The following RBPJ variants were observed in gnomAD, a reference collection of about 807,000 sequenced individuals.
RBPJ encodes the protein recombination signal binding protein for immunoglobulin kappa J region.
In RBPJ, 9 loss-of-function variants were observed where a neutral mutation model predicts 67.8. That is an observed-to-expected ratio of 0.13 (90% CI 0.08 to 0.23). The LOEUF (loss-of-function observed/expected upper bound fraction) is 0.23, where lower values mean the gene tolerates loss of function less well. RBPJ is among the 10% of genes least tolerant of loss of function. The probability of loss-of-function intolerance (pLI) is 1.00; values close to 1 mark genes in which losing one functional copy is unlikely to be tolerated. For missense variants in RBPJ, 305 were observed against 595.6 expected (o/e 0.51, Z 5.08); for synonymous variants, 198 against 203.3 (o/e 0.97, Z 0.22).
the RBPJ span, among the ~76,000 whole-genome samples, chr4:26,121,873 C>CTTTTTTTTTTTTT: frequency 2.1e-5 from 2 of 94,108 alleles, no homozygotes; most frequent in Non-Finnish European, 2.0e-5. Context: ...GAGTATCTCT[C>CTTTTTTTTTTTTT]TTTTTTTTTT....
intron 1 of RBPJ, among the ~76,000 whole-genome samples, chr4:26,186,192 T>TAAAAAA (rs528707678): frequency 8.5e-6 from 1 of 117,068 alleles, no homozygotes. Flanking sequence ...CCCTTTTTTT[T>TAAAAAA]AAAAAAAAAA....
the RBPJ span, among the ~76,000 whole-genome samples, chr4:26,157,034 C>T: frequency 0.29 from 42,724 of 148,902 alleles, 7,300 homozygotes; most frequent in Non-Finnish European, 0.39. Context: ...CAGGTTCACA[C>T]CACTGTGACT....
At chr4:26,315,158 AAAAAAAAAAATAT>A (rs1265374828), upstream of RBPJ, among the ~76,000 whole-genome samples, 12 of 119,464 alleles carry the variant, frequency 1.0e-4, no homozygotes, top group African/African-American at 3.1e-4. Context: ...AAAAAAAAAA[AAAAAAAAAAATAT>A]ATATATATAT....
the RBPJ span, among the ~76,000 whole-genome samples, chr4:26,127,503 A>C: frequency 6.6e-6 from 1 of 152,204 alleles, no homozygotes; most frequent in Non-Finnish European, 1.5e-5. Flanking sequence ...TTTGGTAGGC[A>C]TCAGGCATGA....
chr4:26,113,273 A>G, the RBPJ span: 1 of 361,450 alleles, frequency 2.8e-6, no homozygotes, highest in African/African-American at 2.1e-5. Flanking sequence ...GCAAGAAGTT[A>G]CATCTCACTC....
At chr4:26,370,608 T>C (rs1282387135) in intron 1 of RBPJ, among the ~76,000 whole-genome samples, 1 of 152,132 alleles carries the variant, frequency 6.6e-6, no homozygotes, top group Non-Finnish European at 1.5e-5. Flanking sequence ...AAAATGTGGA[T>C]TATCACTTCC....
intron 1 of RBPJ, among the ~76,000 whole-genome samples, chr4:26,334,396 A>G (rs528097000): frequency 6.6e-6 from 1 of 150,972 alleles, no homozygotes; most frequent in African/African-American, 2.4e-5. Context: ...TTTTTTGCCT[A>G]CAGACCAATT....
chr4:26,225,130 G>T (rs6828530), intron 1 of RBPJ, among the ~76,000 whole-genome samples: 1 of 152,064 alleles, frequency 6.6e-6, no homozygotes, highest in African/African-American at 2.4e-5. Context: ...AATACCTATC[G>T]GGAACCAAAA....
chr4:26,206,783 T>C (rs1448973180), intron 1 of RBPJ, among the ~76,000 whole-genome samples: 2 of 151,944 alleles, frequency 1.3e-5, no homozygotes, highest in Admixed American at 1.3e-4. Context: ...CTGGCCAGTT[T>C]TCCTCCTTCA....
At chr4:26,345,275 ATTTAAC>A (rs970632050) in intron 1 of RBPJ, among the ~76,000 whole-genome samples, 7 of 152,244 alleles carry the variant, frequency 4.6e-5, no homozygotes, top group African/African-American at 1.7e-4. Context: ...TTTGTGTAAC[ATTTAAC>A]TTTAATTTCT....
At chr4:26,354,630 A>G (rs759228923) in intron 1 of RBPJ, among the ~76,000 whole-genome samples, 6 of 151,882 alleles carry the variant, frequency 4.0e-5, no homozygotes, top group Non-Finnish European at 7.4e-5. Flanking sequence ...TTGTATTTTT[A>G]GTAGAGACCG....
intron 1 of RBPJ, among the ~76,000 whole-genome samples, chr4:26,212,576 C>T (rs1164757412): frequency 6.6e-6 from 1 of 151,672 alleles, no homozygotes; most frequent in Non-Finnish European, 1.5e-5. Context: ...TGCTTTTTCT[C>T]CCCAAGGCAG....
At chr4:26,231,792 A>G (rs146317133) in intron 1 of RBPJ, among the ~76,000 whole-genome samples, 6,797 of 149,652 alleles carry the variant, frequency 0.045, 203 homozygotes, top group Middle Eastern at 0.1. Context: ...CAGGTGATCC[A>G]CTCGCCTCAG....
the RBPJ span, among the ~76,000 whole-genome samples, chr4:26,145,699 TG>T: frequency 6.6e-6 from 1 of 152,192 alleles, no homozygotes; most frequent in Non-Finnish European, 1.5e-5. Context: ...CATTGATAAA[TG>T]GGGCAAATCA....
chr4:26,214,110 C>T (rs1444786235), intron 1 of RBPJ, among the ~76,000 whole-genome samples: 3 of 146,618 alleles, frequency 2.0e-5, no homozygotes, highest in African/African-American at 7.6e-5. Flanking sequence ...CATAGAGAGA[C>T]CTCATTGCTA....
chr4:26,389,712 G>A (rs1384173603), intron 2 of RBPJ, among the ~76,000 whole-genome samples: 7 of 151,910 alleles, frequency 4.6e-5, no homozygotes, highest in East Asian at 1.9e-4. Flanking sequence ...TTGAAGAAAT[G>A]CACACAATTT....
At position 26,362,564 on chromosome 4, in the gene RBPJ, T is replaced by C. The variant is rs1218601873; in HGVS notation, c.21-23789T>C. ...ACTGGCTGAGGTGTTTTGAGGTGCATCGAAGTGTTCCAAGCTGTGACTTAC... is the reference window on the plus strand; with the variant it reads ...ACTGGCTGAGGTGTTTTGAGGTGCACCGAAGTGTTCCAAGCTGTGACTTAC... On this transcript the variant is annotated intron_variant, in intron 1 of 10. Transcript: ENST00000355476. The C allele has an allele frequency of 5.0e-6, 8 of 1,611,922 alleles. No homozygotes were observed. The South Asian group carries it at 7.7e-5, about 16-fold the overall frequency.
chr4:26,209,447 A>G (rs1408115283), intron 1 of RBPJ, among the ~76,000 whole-genome samples: 2 of 152,138 alleles, frequency 1.3e-5, no homozygotes, highest in African/African-American at 2.4e-5. Context: ...CAAGTTGTGG[A>G]AAAAAGTTTT....
At chr4:26,362,557 A>T (rs377589796) in intron 1 of RBPJ, 1 of 1,610,580 alleles carries the variant, frequency 6.2e-7, no homozygotes, top group Non-Finnish European at 8.5e-7. Context: ...AGGTGTTTTG[A>T]GGTGCATCGA....
Sources: gnomAD v4.1 joint callset for allele counts (sites outside exome capture counted in the v4.1 genomes callset) on GRCh38, gnomAD v4.1.1 for gene constraint, MANE v1.5 for transcripts, NCBI Gene and HGNC (gene_info 2026-07-23, HGNC 2026-07-21) for gene names.